The following DGKB variants were observed in gnomAD, a reference collection of about 807,000 sequenced individuals.
The protein encoded by DGKB is diacylglycerol kinase beta, also known as 90 kDa diacylglycerol kinase.
Under a neutral mutation model 114.3 loss-of-function variants are expected in DGKB, and 67 were observed. The ratio of observed to expected loss-of-function variants is 0.59; its 90% CI spans 0.48 to 0.72. DGKB has a LOEUF of 0.72. DGKB is among the 30% of genes least tolerant of loss of function. The pLI is 0.00. For synonymous variants in DGKB, 398 were observed against 323.1 expected (o/e 1.23, Z -2.49); for missense variants, 907 against 975.2 (o/e 0.93, Z 0.93).
intron 1 of DGKB, chr7:14,974,660 G>A (rs934837564): frequency 2.0e-5 from 3 of 152,012 alleles, no homozygotes; most frequent in Admixed American, 1.3e-4. Flanking sequence ...TGATCAAAAA[G>A]TTAAAGCATA....
At chr7:14,429,730 G>A (rs1828136435) in intron 21 of DGKB, among the ~76,000 whole-genome samples, 1 of 152,140 alleles carries the variant, frequency 6.6e-6, no homozygotes, top group African/African-American at 2.4e-5. Flanking sequence ...AGACCAGCCT[G>A]GCCAACATGG....
intron 2 of DGKB, among the ~76,000 whole-genome samples, chr7:14,834,732 C>A (rs1329056034): frequency 1.3e-5 from 2 of 152,104 alleles, no homozygotes; most frequent in Admixed American, 6.6e-5. Context: ...TCAGACATGG[C>A]ATGATTTGGC....
chr7:14,798,066 G>A (rs1562562106), intron 2 of DGKB, among the ~76,000 whole-genome samples: 1 of 152,162 alleles, frequency 6.6e-6, no homozygotes, highest in Admixed American at 6.5e-5. Context: ...GGGGGAATGT[G>A]TGCTGATTGG....
rs779425812 is a variant in DGKB, at chr7:14,563,114, G to A, written c.1770+11098C>T. Among the ~76,000 whole-genome samples, 18 of 152,120 alleles carry A rather than the reference G, an allele frequency of 1.2e-4. No homozygotes were observed. In the South Asian group the frequency reaches 1.4e-3, roughly 12 times the overall value. ...TATGAAGGGGAATTCTGCTGTACAC[G>A]CTCTCTTGCCTGCCACCATGTAAGG... On this transcript the variant is annotated intron_variant, in intron 20 of 25. Transcript: ENST00000402815.
chr7:14,944,116 C>G (rs1224114329), intron 1 of DGKB, among the ~76,000 whole-genome samples: 1 of 151,830 alleles, frequency 6.6e-6, no homozygotes, highest in Non-Finnish European at 1.5e-5. Flanking sequence ...TGTTGTTTTG[C>G]TTATCCCAAT....
chr7:14,851,859 T>G (rs2128160260), intron 1 of DGKB, among the ~76,000 whole-genome samples: 1 of 152,264 alleles, frequency 6.6e-6, no homozygotes. Context: ...CAAGCCAGCT[T>G]CCACCCCCAA....
intron 23 of DGKB, among the ~76,000 whole-genome samples, chr7:14,178,425 A>C (rs1031259508): frequency 5.6e-5 from 8 of 142,338 alleles, no homozygotes; most frequent in Admixed American, 3.4e-4. Context: ...AAAAAAAAAA[A>C]AAACCCAGTA....
In DGKB at chr7:14,154,002, T is replaced by C. The variant is rs572962055; in HGVS notation, c.2305-4764A>G. On this transcript the variant is annotated intron_variant, in intron 25 of 25. Transcript: ENST00000402815. ...CCCTTTAAAACGTATTTGGGGTGTT[T>C]TCTAGCAAAGTAAATGAGTGAGCTA... Among the ~76,000 whole-genome samples, 7 of 152,028 alleles carry C rather than the reference T, an allele frequency of 4.6e-5. No homozygotes were observed. In the East Asian group the frequency reaches 1.4e-3, roughly 30 times the overall value.
intron 25 of DGKB, among the ~76,000 whole-genome samples, chr7:14,170,145 A>AAAAAAAAAGAAAGAAAGAAAG (rs1369239302): frequency 1.0e-5 from 1 of 99,982 alleles, no homozygotes; most frequent in Non-Finnish European, 2.0e-5. Context: ...AAAAAAAAAA[A>AAAAAAAAAGAAAGAAAGAAAG]AAAGAAAGAA....
chr7:14,850,884 T>C (rs1849261431), intron 1 of DGKB, among the ~76,000 whole-genome samples: 1 of 152,214 alleles, frequency 6.6e-6, no homozygotes, highest in African/African-American at 2.4e-5. Context: ...TGCATCCTCA[T>C]TCAGTTTCTG....
At chr7:14,855,686 T>G (rs950710699) in intron 1 of DGKB, among the ~76,000 whole-genome samples, 1 of 147,318 alleles carries the variant, frequency 6.8e-6, no homozygotes, top group East Asian at 1.9e-4. Flanking sequence ...CTTTTGATCA[T>G]AATGTTTTTG....
chr7:14,627,612 T>C (rs182040112), intron 14 of DGKB, among the ~76,000 whole-genome samples: 1 of 150,438 alleles, frequency 6.6e-6, no homozygotes, highest in Non-Finnish European at 1.5e-5. Context: ...GTGTGTAGTA[T>C]ACATACACAT....
intron 21 of DGKB, among the ~76,000 whole-genome samples, chr7:14,400,450 G>C (rs950925406): frequency 6.6e-6 from 1 of 151,832 alleles, no homozygotes; most frequent in Non-Finnish European, 1.5e-5. Flanking sequence ...ATATTCTCCA[G>C]AGATCTGGCA....
At chr7:14,531,106 T>A (rs1426845335) in intron 20 of DGKB, among the ~76,000 whole-genome samples, 1 of 151,538 alleles carries the variant, frequency 6.6e-6, no homozygotes, top group Non-Finnish European at 1.5e-5. Context: ...ACTTATCTAT[T>A]CCTTAAAAAT....
intron 25 of DGKB, among the ~76,000 whole-genome samples, chr7:14,163,943 C>G (rs946022138): frequency 6.6e-6 from 1 of 151,612 alleles, no homozygotes. Context: ...TGCAGTGAGC[C>G]GAGATCATGC....
intron 1 of DGKB, among the ~76,000 whole-genome samples, chr7:14,946,431 T>A (rs1160114823): frequency 1.3e-5 from 2 of 151,776 alleles, no homozygotes; most frequent in Non-Finnish European, 3.0e-5. Context: ...TGCATCGTAA[T>A]CATGGCACTA....
At chr7:14,207,621 C>T (rs1787045398) in intron 23 of DGKB, among the ~76,000 whole-genome samples, 1 of 152,004 alleles carries the variant, frequency 6.6e-6, no homozygotes, top group African/African-American at 2.4e-5. Context: ...TTGGGGGTAA[C>T]TAATATCAGT....
chr7:14,478,819 A>AC (rs1782581191), intron 20 of DGKB, among the ~76,000 whole-genome samples: 1 of 152,060 alleles, frequency 6.6e-6, no homozygotes, highest in Admixed American at 6.6e-5. Context: ...AAAAACAACA[A>AC]CAAAGAGAAA....
chr7:14,628,088 TCA>T (rs561745038), intron 14 of DGKB, among the ~76,000 whole-genome samples: 54 of 152,286 alleles, frequency 3.5e-4, no homozygotes, highest in African/African-American at 1.2e-3. Flanking sequence ...TCTCTTATGC[TCA>T]CACTCATTGT....
Sources: gnomAD v4.1 joint callset for allele counts (sites outside exome capture counted in the v4.1 genomes callset) on GRCh38, gnomAD v4.1.1 for gene constraint, MANE v1.5 for transcripts, NCBI Gene and HGNC (gene_info 2026-07-23, HGNC 2026-07-21) for gene names.